The following PTPRO variants were observed in gnomAD, a reference collection of about 807,000 sequenced individuals.
PTPRO encodes receptor-type tyrosine-protein phosphatase O.
In PTPRO, 62 loss-of-function variants were observed where a neutral mutation model predicts 145.2. The ratio of observed to expected loss-of-function variants is 0.43; its 90% CI spans 0.35 to 0.53. The LOEUF (loss-of-function observed/expected upper bound fraction) is 0.53. Among genes scored for constraint, PTPRO ranks in the 20% least tolerant of loss-of-function variants. The probability of loss-of-function intolerance (pLI) is 0.01; values close to 1 mark genes in which losing one functional copy is unlikely to be tolerated. For missense variants in PTPRO, 1,345 were observed against 1,482.7 expected, an observed-to-expected ratio of 0.91 and a Z score of 1.53; for synonymous variants, 565 against 514.7, an observed-to-expected ratio of 1.10 and a Z score of -1.32.
intron 2 of PTPRO, among the ~76,000 whole-genome samples, chr12:15,492,413 G>GA (rs1490211485): frequency 6.6e-6 from 1 of 151,730 alleles, no homozygotes; most frequent in Non-Finnish European, 1.5e-5. Context: ...GAATTAGTGG[G>GA]AAAAAAAATT....
intron 1 of PTPRO, among the ~76,000 whole-genome samples, chr12:15,473,544 C>A (rs1011005408): frequency 3.3e-5 from 5 of 151,922 alleles, no homozygotes; most frequent in African/African-American, 1.2e-4. Flanking sequence ...GGCGCACAGA[C>A]CACCTGAGGT....
Position 15,322,799 on chromosome 12 carries a change from A to G in PTPRO, c.73A>G (p.Lys25Glu), listed in dbSNP as rs531564836. The change falls in exon 1 of 27, where the codon AAG (lysine) becomes GAG (glutamate). Residue 25 changes from lysine (K) to glutamate (E), a missense_variant and splice_region_variant. Coordinates refer to ENST00000281171, the MANE Select transcript of PTPRO (RefSeq NM_030667.3). This position sits in a 1 kb window ranked among gnomAD's most constrained non-coding sequence, Gnocchi z 6.3. ...LPLLWLFVLF[K>E]NATAFHVTVQ... ...TCTGCTCTGGCTCTTTGTGCTGTTC[A>G]AGGTAGGGGAGCTCCTCCACCCCTT... The G allele has an allele frequency of 6.8e-6, 11 of 1,611,776 alleles. No individual in the cohort carries two copies. The East Asian group carries it at 2.5e-4, about 36-fold the overall frequency.
intron 21 of PTPRO, among the ~76,000 whole-genome samples, chr12:15,580,446 T>C (rs1016950557): frequency 2.0e-5 from 3 of 152,230 alleles, no homozygotes; most frequent in Non-Finnish European, 4.4e-5. Context: ...AGACAGTTAT[T>C]ATTGTCATAA....
At chr12:15,524,461 C>T (rs1038184825) in intron 10 of PTPRO, among the ~76,000 whole-genome samples, 12 of 152,174 alleles carry the variant, frequency 7.9e-5, no homozygotes, top group African/African-American at 2.2e-4. Context: ...AATAACTCCA[C>T]TGATACCTAT....
At chr12:15,482,528 T>A (rs894032418) in intron 1 of PTPRO, among the ~76,000 whole-genome samples, 2 of 152,136 alleles carry the variant, frequency 1.3e-5, no homozygotes, top group African/African-American at 4.8e-5. Flanking sequence ...GGATTTTGAA[T>A]GTTCCCAACA....
chr12:15,548,528 A>ATATG (rs1555086063), intron 13 of PTPRO, among the ~76,000 whole-genome samples: 6 of 149,226 alleles, frequency 4.0e-5, no homozygotes, highest in African/African-American at 7.4e-5. Context: ...GTGTATATAT[A>ATATG]TGTGTGTGTG....
chr12:15,505,670 G>A (rs1325378757), intron 6 of PTPRO, among the ~76,000 whole-genome samples: 1 of 152,164 alleles, frequency 6.6e-6, no homozygotes, highest in East Asian at 1.9e-4. Context: ...GGATACCGCA[G>A]ACATAAATAC....
At chr12:15,430,628 C>T (rs2136340339) in intron 1 of PTPRO, among the ~76,000 whole-genome samples, 1 of 152,166 alleles carries the variant, frequency 6.6e-6, no homozygotes, top group South Asian at 2.1e-4. Flanking sequence ...TTCAGTTTGG[C>T]AGGAGGAATA....
intron 1 of PTPRO, among the ~76,000 whole-genome samples, chr12:15,374,867 C>T (rs1339827552): frequency 1.3e-5 from 2 of 152,140 alleles, no homozygotes; most frequent in Non-Finnish European, 2.9e-5. Context: ...ATAAGTAGGG[C>T]TGTGTGCATG....
intron 1 of PTPRO, among the ~76,000 whole-genome samples, chr12:15,376,059 A>C (rs551793481): frequency 2.2e-4 from 33 of 152,328 alleles, no homozygotes; most frequent in African/African-American, 7.9e-4. Context: ...CAGAAATAGA[A>C]AATGGAGTGA....
At chr12:15,483,515 T>A (rs944865969) in intron 1 of PTPRO, among the ~76,000 whole-genome samples, 1 of 152,062 alleles carries the variant, frequency 6.6e-6, no homozygotes, top group African/African-American at 2.4e-5. Context: ...TGAGAGGAAA[T>A]AGACGAAATA....
intron 17 of PTPRO, among the ~76,000 whole-genome samples, chr12:15,564,746 C>G (rs1943856089): frequency 6.6e-6 from 1 of 152,100 alleles, no homozygotes; most frequent in Admixed American, 6.6e-5. Flanking sequence ...TATGTAAAGA[C>G]CTCTGAAAAT....
chr12:15,560,045 A>G (rs1943730964), intron 16 of PTPRO, 148 bp from the exon 17 acceptor site: 1 of 690,280 alleles, frequency 1.4e-6, no homozygotes, highest in African/African-American at 1.8e-5. Context: ...TTTATATTTC[A>G]CAGAATGGAT....
chr12:15,407,303 T>C (rs557130718), intron 1 of PTPRO, among the ~76,000 whole-genome samples: 30 of 152,332 alleles, frequency 2.0e-4, no homozygotes, highest in African/African-American at 7.2e-4. Flanking sequence ...ATTCAGTTTA[T>C]CTGAAGGCTC....
chr12:15,552,298 C>A (rs570518761), intron 15 of PTPRO, among the ~76,000 whole-genome samples: 29 of 152,284 alleles, frequency 1.9e-4, no homozygotes, highest in African/African-American at 6.7e-4. Flanking sequence ...TCTGTGGCCC[C>A]CTGTATTATC....
intron 1 of PTPRO, among the ~76,000 whole-genome samples, chr12:15,406,503 T>G (rs1200569133): frequency 6.6e-6 from 1 of 152,216 alleles, no homozygotes; most frequent in African/African-American, 2.4e-5. Flanking sequence ...TTAATTTCCA[T>G]AGTGATTTTT....
At chr12:15,396,289 C>T (rs1324017456) in intron 1 of PTPRO, among the ~76,000 whole-genome samples, 3 of 152,078 alleles carry the variant, frequency 2.0e-5, no homozygotes, top group African/African-American at 7.2e-5. Flanking sequence ...GGTTTAGTGA[C>T]AAGTGCTGAA....
chr12:15,526,108 A>C lies in PTPRO; in HGVS notation c.2044-34A>C, dbSNP rs759992960. 9.3e-6 allele frequency: 15 copies of C among 1,613,618 alleles called. No homozygotes were observed. The South Asian group carries it at 1.5e-4, about 17-fold the overall frequency. ...GGGTGGTGCACTGATTCATTCACTA[A>C]AAGTTTAAACCCTTGATTTTGATGA... is the stretch of plus-strand genomic sequence containing the variant. On this transcript the variant is annotated intron_variant, in intron 11 of 26. Coordinates refer to ENST00000281171, the MANE Select transcript of PTPRO (RefSeq NM_030667.3).
chr12:15,503,888 C>T lies in PTPRO; in HGVS notation c.1106-20C>T. The T allele has an allele frequency of 6.5e-7, 1 of 1,545,710 alleles. No individual in the cohort carries two copies. The highest frequency in any genetic ancestry group is 8.9e-7 in the Non-Finnish European group (1 of 1,119,876). On this transcript the variant is annotated intron_variant, in intron 5 of 26. Coordinates refer to ENST00000281171, the MANE Select transcript of PTPRO (RefSeq NM_030667.3). ...CCAGGTGTCTATTCATGTATCTTCT[C>T]TTTTTTATATATGATTTAGAGAACT...
Sources: gnomAD v4.1 joint callset for allele counts (sites outside exome capture counted in the v4.1 genomes callset) on GRCh38, gnomAD v4.1.1 for gene constraint, Gnocchi (gnomAD v3.1) non-coding constraint, MANE v1.5 for transcripts, NCBI Gene and HGNC (gene_info 2026-07-23, HGNC 2026-07-21) for gene names.